VWA8: variants seen among roughly 807,000 people sequenced by gnomAD.
VWA8 encodes the protein von Willebrand factor A domain-containing protein 8.
VWA8 carries 221 observed loss-of-function variants against 241.5 expected under a neutral mutation model. The observed-to-expected ratio is 0.91, with a 90% CI of 0.82 to 1.02. The LOEUF (loss-of-function observed/expected upper bound fraction) is 1.02, where lower values mean the gene tolerates loss of function less well. Among genes scored for constraint, VWA8 ranks in the 50% least tolerant of loss-of-function variants. The pLI is 0.00. For missense variants in VWA8, 2,322 were observed against 2,328.7 expected (o/e 1.00, Z 0.06); for synonymous variants, 852 against 827.1 (o/e 1.03, Z -0.52).
chr13:41,573,224 A>G (rs927714452), intron 43 of VWA8, among the ~76,000 whole-genome samples: 26 of 151,658 alleles, frequency 1.7e-4, no homozygotes, highest in Admixed American at 1.6e-3. Flanking sequence ...CCTGGCCAAC[A>G]TAATGAAGCC....
Position 41,909,074 on chromosome 13 carries a change from A to C in VWA8, c.373-1378T>G, listed in dbSNP as rs1308944531. Among the ~76,000 whole-genome samples, 41 of 133,202 alleles carry C rather than the reference A, an allele frequency of 3.1e-4. No individual in the cohort carries two copies. The Admixed American group carries it at 3.1e-3, about 10-fold the overall frequency. The allele number at this position is 133,202 out of a possible 152,430, so 87.4% of individuals were successfully genotyped here. A position where few individuals can be genotyped will look rare whatever the true frequency, so the allele number is the denominator to read the frequency against. ...AAAAAATTTTTTTTTTTTTTTTTTG[A>C]GATAGTCTCACTCTGTCACCCAGGC... On this transcript the variant is annotated intron_variant, in intron 3 of 44. Coordinates refer to ENST00000379310, the MANE Select transcript of VWA8 (RefSeq NM_015058.2).
At chr13:41,888,408 TCA>T (rs1389268150) in intron 5 of VWA8, among the ~76,000 whole-genome samples, 1 of 152,138 alleles carries the variant, frequency 6.6e-6, no homozygotes, top group Non-Finnish European at 1.5e-5. Flanking sequence ...CCTGATTCTC[TCA>T]GTCTCAGCAA....
At position 41,950,648 on chromosome 13, in the gene VWA8, A is replaced by G. The variant is rs574428663; in HGVS notation, c.164-635T>C. ...CTCCCAAAGTGCTGGGATTACAGGC[A>G]TGAGTCACCACACTCAGCCTTTTTT... On this transcript the variant is annotated intron_variant, in intron 1 of 44. Coordinates refer to ENST00000379310, the MANE Select transcript of VWA8 (RefSeq NM_015058.2). Among the ~76,000 whole-genome samples the G allele has an allele frequency of 1.4e-3, 198 of 143,162 alleles. 7 individuals are homozygous for G. In the South Asian group the frequency reaches 0.036, roughly 26 times the overall value. The allele number at this position is 143,162 out of a possible 152,430, so 93.9% of individuals were successfully genotyped here.
chr13:41,910,004 T>A (rs1875916780), intron 3 of VWA8, among the ~76,000 whole-genome samples: 1 of 152,220 alleles, frequency 6.6e-6, no homozygotes, highest in Non-Finnish European at 1.5e-5. Flanking sequence ...GCAATAGTAC[T>A]CACTGCAAGG....
intron 37 of VWA8, among the ~76,000 whole-genome samples, chr13:41,616,714 G>A (rs988339461): frequency 6.6e-6 from 1 of 152,196 alleles, no homozygotes; most frequent in South Asian, 2.1e-4. Context: ...ATATGGCTGT[G>A]AGCATGTGAA....
At chr13:41,877,454 C>G (rs59679349) in intron 9 of VWA8, among the ~76,000 whole-genome samples, 34,928 of 151,804 alleles carry the variant, frequency 0.23, 4,068 homozygotes, top group East Asian at 0.29. Flanking sequence ...ATCTGATGCT[C>G]CTCAGACATT....
chr13:41,579,099 T>C (rs974203184), intron 42 of VWA8, among the ~76,000 whole-genome samples: 1 of 152,184 alleles, frequency 6.6e-6, no homozygotes, highest in African/African-American at 2.4e-5. Flanking sequence ...ATGTGTAAAT[T>C]TCTATTAGGA....
intron 19 of VWA8, among the ~76,000 whole-genome samples, chr13:41,781,228 T>C (rs1357773705): frequency 6.6e-6 from 1 of 152,158 alleles, no homozygotes; most frequent in Non-Finnish European, 1.5e-5. Context: ...TCTTTCCTAA[T>C]TCACCAGCCT....
chr13:41,813,371 C>T (rs1325180663), intron 16 of VWA8, among the ~76,000 whole-genome samples: 1 of 151,448 alleles, frequency 6.6e-6, no homozygotes, highest in African/African-American at 2.4e-5. Flanking sequence ...TGGCAACTGA[C>T]TTGCTATGAG....
At position 41,674,117 on chromosome 13, in the gene VWA8, T is replaced by C. The variant is rs1201578327; in HGVS notation, c.4409+1098A>G. ...AGGATGTTCCAAGAAGTCATACTTA[T>C]ATATGTTGGAAGAAGTATATTTATT... On this transcript the variant is annotated intron_variant, in intron 36 of 44. Transcript: ENST00000379310. 2.6e-5 allele frequency among the ~76,000 whole-genome samples: 4 copies of C among 152,250 alleles called. No individual in the cohort carries two copies. The East Asian group carries it at 5.8e-4, about 22-fold the overall frequency.
At chr13:41,824,100 A>G (rs1871078426) in intron 14 of VWA8, among the ~76,000 whole-genome samples, 1 of 152,218 alleles carries the variant, frequency 6.6e-6, no homozygotes, top group Non-Finnish European at 1.5e-5. Context: ...AAATTTACCA[A>G]CTGGGTCTAG....
intron 37 of VWA8, among the ~76,000 whole-genome samples, chr13:41,657,651 G>A (rs1045649563): frequency 5.9e-4 from 90 of 151,930 alleles, no homozygotes; most frequent in Admixed American, 1.2e-3. Context: ...CACCGCGCCC[G>A]GCTAATTTTT....
At chr13:41,731,819 T>C (rs1329474247) in intron 22 of VWA8, among the ~76,000 whole-genome samples, 1 of 152,186 alleles carries the variant, frequency 6.6e-6, no homozygotes, top group African/African-American at 2.4e-5. Flanking sequence ...CCCCATTGCT[T>C]GGTTCTCATT....
chr13:41,903,492 C>T (rs999836402), intron 4 of VWA8, among the ~76,000 whole-genome samples: 5 of 151,990 alleles, frequency 3.3e-5, no homozygotes, highest in African/African-American at 1.2e-4. Flanking sequence ...ATATCATGTA[C>T]GATGACAGCC....
rs1179107917 is a variant in VWA8 at position 41,739,848 on chromosome 13, G to GTTT, written c.2427-7696_2427-7694dup. The stretch of plus-strand genomic sequence containing the variant: ...TTTTGTTTTTTTTTTTGTTTTTTTT[G>GTTT]TTTTTTTTGTTTTTTTTTTTTTTTG... On this transcript the variant is annotated intron_variant, in intron 21 of 44. Coordinates refer to ENST00000379310, the MANE Select transcript of VWA8 (RefSeq NM_015058.2). 8.8e-4 allele frequency among the ~76,000 whole-genome samples: 45 copies of GTTT among 50,898 alleles called. 8 individuals carry two copies. The highest frequency in any genetic ancestry group is 1.7e-3 in the East Asian group (3 of 1,786). The allele number at this position is 50,898 out of a possible 152,430, so 33.4% of individuals were successfully genotyped here.
intron 2 of VWA8, among the ~76,000 whole-genome samples, chr13:41,931,657 C>CTA (rs1057339737): frequency 2.0e-5 from 3 of 151,576 alleles, no homozygotes; most frequent in East Asian, 1.9e-4. Context: ...ATTTTACTAT[C>CTA]TATATATATC....
At chr13:41,773,024 G>C (rs1593761890) in intron 20 of VWA8, among the ~76,000 whole-genome samples, 1 of 152,318 alleles carries the variant, frequency 6.6e-6, no homozygotes, top group Non-Finnish European at 1.5e-5. Flanking sequence ...AGTTCAGCCA[G>C]TTTCTGGTTT....
intron 14 of VWA8, among the ~76,000 whole-genome samples, chr13:41,829,906 C>G (rs902500223): frequency 6.6e-6 from 1 of 152,066 alleles, no homozygotes; most frequent in Non-Finnish European, 1.5e-5. Flanking sequence ...AACCACAAAC[C>G]ATCTGTGCCC....
chr13:41,943,845 G>GT (rs1189820080), intron 2 of VWA8, among the ~76,000 whole-genome samples: 1 of 152,116 alleles, frequency 6.6e-6, no homozygotes, highest in East Asian at 1.9e-4. Context: ...GCTCATGCCC[G>GT]TAATACCAGC....
Sources: allele counts gnomAD v4.1 joint callset (sites outside exome capture counted in the v4.1 genomes callset), GRCh38; gene constraint gnomAD v4.1.1; transcripts MANE v1.5; gene names NCBI Gene and HGNC (gene_info 2026-07-23, HGNC 2026-07-21).